The following MAGI2 variants were observed in gnomAD, a reference collection of about 807,000 sequenced individuals.
MAGI2 encodes the protein membrane-associated guanylate kinase, WW and PDZ domain-containing protein 2.
MAGI2 carries 35 observed loss-of-function variants against 133.3 expected under a neutral mutation model. The observed-to-expected ratio is 0.26, with a 90% confidence interval of 0.20 to 0.35. The LOEUF (loss-of-function observed/expected upper bound fraction) is 0.35. Ranked by LOEUF, MAGI2 falls within the 10% of genes least tolerant of loss-of-function variation. The pLI is 1.00. For synonymous variants in MAGI2, 729 were observed against 710.6 expected (o/e 1.03, Z -0.41); for missense variants, 1,636 against 1,863.4 (o/e 0.88, Z 2.25).
At chr7:78,905,141 A>G (rs1584347146) in intron 2 of MAGI2, among the ~76,000 whole-genome samples, 1 of 152,130 alleles carries the variant, frequency 6.6e-6, no homozygotes, top group African/African-American at 2.4e-5. Context: ...TCAAACCTTT[A>G]TCATTATTTA....
Position 78,775,946 on chromosome 7 carries a change from G to A in MAGI2, c.419-148707C>T, listed in dbSNP as rs529861642. The stretch of plus-strand genomic sequence containing the variant: ...TTACTGTTTTGCTTTCTACTCTCGT[G>A]TGAACCTGCAAAAGGCTCAGTCTTA... On this transcript the variant is annotated intron_variant, in intron 2 of 21. Transcript: ENST00000354212. Among the ~76,000 whole-genome samples the A allele has an allele frequency of 5.0e-4, 76 of 152,272 alleles. 1 individual carries two copies. Among genetic ancestry groups the A allele is most frequent in the African/African-American group, 1.7e-3 (71 of 41,568 alleles).
chr7:78,227,884 T>TG lies in MAGI2; in HGVS notation c.2048-26692_2048-26691insC, dbSNP rs1789565700. ...TGTGTGTGTGTGTGTGTGTGTGTGT[T>TG]TTAAACCCTTAGAAGCATCATTGGT... On this transcript the variant is annotated intron_variant, in intron 10 of 21. Transcript: ENST00000354212. 4.5e-5 allele frequency among the ~76,000 whole-genome samples: 3 copies of TG among 67,300 alleles called. 1 individual carries two copies. In the South Asian group the frequency reaches 1.2e-3, roughly 27 times the overall value. 44.2% of individuals were successfully genotyped at this position (67,300 alleles called of 152,430 possible).
At chr7:78,650,601 T>G (rs1271233381) in intron 2 of MAGI2, among the ~76,000 whole-genome samples, 1 of 152,210 alleles carries the variant, frequency 6.6e-6, no homozygotes, top group Non-Finnish European at 1.5e-5. Flanking sequence ...TACAGGGGCA[T>G]GTATAGACAG....
intron 1 of MAGI2, among the ~76,000 whole-genome samples, chr7:79,336,267 C>T (rs1435445537): frequency 6.6e-6 from 1 of 152,018 alleles, no homozygotes; most frequent in Admixed American, 6.6e-5. Context: ...GCATGTCTAA[C>T]GTCACACTAC....
At chr7:78,559,582 G>A (rs906238024) in intron 3 of MAGI2, among the ~76,000 whole-genome samples, 12 of 151,426 alleles carry the variant, frequency 7.9e-5, no homozygotes, top group African/African-American at 2.2e-4. Context: ...ATGCTCGTGA[G>A]TATTAAGCTT....
At chr7:78,198,465 T>C (rs376109336) in intron 11 of MAGI2, among the ~76,000 whole-genome samples, 4 of 124,544 alleles carry the variant, frequency 3.2e-5, no homozygotes, top group Admixed American at 2.0e-4. Context: ...ATGGTCTCAC[T>C]CTGTCGCCCA....
chr7:78,844,196 A>G (rs1207463943), intron 2 of MAGI2, among the ~76,000 whole-genome samples: 1 of 151,588 alleles, frequency 6.6e-6, no homozygotes, highest in Non-Finnish European at 1.5e-5. Flanking sequence ...TAATGAAATG[A>G]TGAGTTAGTT....
intron 5 of MAGI2, among the ~76,000 whole-genome samples, chr7:78,494,091 C>T (rs1793874631): frequency 6.6e-6 from 1 of 152,100 alleles, no homozygotes; most frequent in South Asian, 2.1e-4. Context: ...ATTCTCCCGC[C>T]TCAGCCTCCC....
chr7:78,992,983 G>C (rs1203770748), intron 2 of MAGI2, among the ~76,000 whole-genome samples: 1 of 151,764 alleles, frequency 6.6e-6, no homozygotes, highest in East Asian at 1.9e-4. Flanking sequence ...TTTGTCAATT[G>C]CTTTTTCATG....
intron 1 of MAGI2, among the ~76,000 whole-genome samples, chr7:79,365,082 G>A (rs1585716607): frequency 6.6e-6 from 1 of 151,564 alleles, no homozygotes; most frequent in East Asian, 1.9e-4. Context: ...CAAAAGACAT[G>A]AACATTCATT....
At chr7:78,879,547 T>C (rs1221060465) in intron 2 of MAGI2, among the ~76,000 whole-genome samples, 2 of 151,658 alleles carry the variant, frequency 1.3e-5, no homozygotes, top group African/African-American at 4.8e-5. Context: ...AAAATAATGA[T>C]AATAATAATA....
chr7:79,368,134 A>C (rs1457519656), intron 1 of MAGI2, among the ~76,000 whole-genome samples: 1 of 151,952 alleles, frequency 6.6e-6, no homozygotes, highest in Non-Finnish European at 1.5e-5. Context: ...TTTAGACCAA[A>C]AGTTTTCCAA....
chr7:78,208,075 G>T (rs561688189), intron 10 of MAGI2, among the ~76,000 whole-genome samples: 104 of 149,274 alleles, frequency 7.0e-4, no homozygotes, highest in African/African-American at 2.5e-3. Context: ...TCACTATCTT[G>T]GCCAGGCTGG....
At chr7:79,007,015 T>A (rs1807521436) in intron 2 of MAGI2, 75 bp downstream of exon 2, 2 of 1,109,324 alleles carry the variant, frequency 1.8e-6, no homozygotes, top group Non-Finnish European at 2.5e-6. Context: ...AATTTCACTT[T>A]CTTTTAATCA....
chr7:79,401,971 A>G (rs1305769505), intron 1 of MAGI2, among the ~76,000 whole-genome samples: 2 of 152,156 alleles, frequency 1.3e-5, no homozygotes, highest in Non-Finnish European at 2.9e-5. Flanking sequence ...ATAAACTTAA[A>G]TTTTTAAGGA....
At chr7:79,387,990 AAAT>A (rs1434905578) in intron 1 of MAGI2, among the ~76,000 whole-genome samples, 1 of 152,034 alleles carries the variant, frequency 6.6e-6, no homozygotes, top group African/African-American at 2.4e-5. Context: ...TGTAGATAGT[AAAT>A]AATGATATTT....
chr7:78,329,244 C>T (rs1788920649), intron 9 of MAGI2, among the ~76,000 whole-genome samples: 1 of 152,130 alleles, frequency 6.6e-6, no homozygotes, highest in Non-Finnish European at 1.5e-5. Flanking sequence ...GACTCCAGTG[C>T]ACTCTATCTG....
At chr7:78,682,165 C>T (rs1476986107) in intron 2 of MAGI2, among the ~76,000 whole-genome samples, 4 of 151,958 alleles carry the variant, frequency 2.6e-5, no homozygotes, top group East Asian at 3.9e-4. Context: ...GAAATAAAAT[C>T]GTGGAGTCAA....
intron 20 of MAGI2, among the ~76,000 whole-genome samples, chr7:78,121,903 T>G (rs1406101646): frequency 6.6e-6 from 1 of 152,224 alleles, no homozygotes; most frequent in Non-Finnish European, 1.5e-5. Context: ...AAATAACTTA[T>G]AGCAGTGAAA....
Sources: gnomAD v4.1 joint callset for allele counts (sites outside exome capture counted in the v4.1 genomes callset) on GRCh38, gnomAD v4.1.1 for gene constraint, MANE v1.5 for transcripts, NCBI Gene and HGNC (gene_info 2026-07-23, HGNC 2026-07-21) for gene names.